EYS: variants seen among roughly 807,000 people sequenced by gnomAD.
The protein encoded by EYS is EGF-like photoreceptor maintenance factor.
EYS carries 250 observed loss-of-function variants against 282.1 expected under a neutral mutation model. That is an observed-to-expected ratio of 0.89 (90% CI 0.80 to 0.98). The LOEUF (loss-of-function observed/expected upper bound fraction) is 0.98, where lower values mean the gene tolerates loss of function less well. Among genes scored for constraint, EYS ranks in the 50% least tolerant of loss-of-function variants. The pLI is 0.00. For missense variants in EYS, 4,016 were observed against 3,709.0 expected, an observed-to-expected ratio of 1.08 and a Z score of -2.15; for synonymous variants, 1,355 against 1,282.9, an observed-to-expected ratio of 1.06 and a Z score of -1.20.
At chr6:65,606,656 C>T (rs1765806662) in intron 2 of EYS, among the ~76,000 whole-genome samples, 1 of 151,676 alleles carries the variant, frequency 6.6e-6, no homozygotes, top group South Asian at 2.1e-4. Context: ...ATACAACTGG[C>T]TTTACAACAT....
chr6:64,756,325 T>A (rs1772935383), intron 22 of EYS, among the ~76,000 whole-genome samples: 1 of 152,198 alleles, frequency 6.6e-6, no homozygotes, highest in African/African-American at 2.4e-5. Flanking sequence ...CCATTTAATG[T>A]AAGTTTGTAG....
intron 22 of EYS, among the ~76,000 whole-genome samples, chr6:64,753,184 A>G (rs1050355736): frequency 2.0e-5 from 3 of 152,146 alleles, no homozygotes; most frequent in Admixed American, 2.0e-4. Context: ...AAATAAGTAT[A>G]CAATTGAGAC....
At chr6:65,526,476 T>C (rs1767567857) in intron 2 of EYS, among the ~76,000 whole-genome samples, 1 of 152,180 alleles carries the variant, frequency 6.6e-6, no homozygotes, top group Non-Finnish European at 1.5e-5. Context: ...GATTTGTAGC[T>C]AGCAAACATT....
intron 33 of EYS, among the ~76,000 whole-genome samples, chr6:64,015,265 A>G (rs1430825923): frequency 3.3e-5 from 5 of 152,228 alleles, no homozygotes; most frequent in African/African-American, 4.8e-5. Flanking sequence ...AAATTTGAGT[A>G]GAACCAAAAT....
At position 64,735,826 on chromosome 6, in the gene EYS, T is replaced by C. The variant is rs547291556; in HGVS notation, c.3443+77552A>G. ...TGTGTATAATATAATAACCAATAGA[T>C]ACAAATTCCTATTTCATGGAGGATG... On this transcript the variant is annotated intron_variant, in intron 22 of 42. Transcript: ENST00000503581. 3.0e-4 allele frequency among the ~76,000 whole-genome samples: 45 copies of C among 152,110 alleles called. 1 individual carries two copies. The highest frequency in any genetic ancestry group is 1.1e-3 in the African/African-American group (45 of 41,560).
intron 2 of EYS, among the ~76,000 whole-genome samples, chr6:65,631,901 G>T (rs535230504): frequency 6.6e-6 from 1 of 152,194 alleles, no homozygotes; most frequent in South Asian, 2.1e-4. Flanking sequence ...TCAGTTAGTG[G>T]CTAAAGTCAC....
At chr6:63,781,122 A>T (rs1376131096) in intron 39 of EYS, among the ~76,000 whole-genome samples, 22 of 152,214 alleles carry the variant, frequency 1.4e-4, no homozygotes, top group Admixed American at 1.4e-3. Flanking sequence ...CTGTTTTGGT[A>T]GCAGTACCAT....
At chr6:64,607,380 T>C (rs1766968069) in intron 24 of EYS, among the ~76,000 whole-genome samples, 1 of 151,976 alleles carries the variant, frequency 6.6e-6, no homozygotes, top group African/African-American at 2.4e-5. Flanking sequence ...GACTTATAAA[T>C]AACAGAAATT....
At chr6:63,994,176 A>G (rs1462405057) in intron 34 of EYS, among the ~76,000 whole-genome samples, 1 of 151,970 alleles carries the variant, frequency 6.6e-6, no homozygotes, top group Non-Finnish European at 1.5e-5. Context: ...GCTGAGGTAC[A>G]GTCACTGAAG....
chr6:65,045,102 G>A (rs1219439303), intron 13 of EYS, among the ~76,000 whole-genome samples: 4 of 151,754 alleles, frequency 2.6e-5, no homozygotes, highest in African/African-American at 9.7e-5. Context: ...TCTGTTTAGA[G>A]TTCACAATTG....
chr6:65,182,440 T>A (rs1314675734), intron 12 of EYS, among the ~76,000 whole-genome samples: 1 of 151,668 alleles, frequency 6.6e-6, no homozygotes, highest in Non-Finnish European at 1.5e-5. Flanking sequence ...TTTTTCTTAA[T>A]GGTTCTTAAG....
intron 19 of EYS, among the ~76,000 whole-genome samples, chr6:64,843,555 A>G (rs1302145506): frequency 6.6e-6 from 1 of 152,150 alleles, no homozygotes; most frequent in Non-Finnish European, 1.5e-5. Flanking sequence ...TTGGACATGC[A>G]TGGTCCATAT....
intron 35 of EYS, among the ~76,000 whole-genome samples, chr6:63,961,349 C>T (rs1766050271): frequency 6.6e-6 from 1 of 151,722 alleles, no homozygotes; most frequent in Non-Finnish European, 1.5e-5. Context: ...TTTGTTTCTG[C>T]CCCCCTTTAA....
chr6:65,050,406 AT>A (rs545656893), intron 13 of EYS, among the ~76,000 whole-genome samples: 2 of 151,388 alleles, frequency 1.3e-5, no homozygotes, highest in African/African-American at 2.4e-5. Flanking sequence ...CGAATCGTTT[AT>A]TTTTTTTCTA....
chr6:64,214,978 A>C (rs934358458), intron 31 of EYS, among the ~76,000 whole-genome samples: 2 of 151,994 alleles, frequency 1.3e-5, no homozygotes, highest in Non-Finnish European at 2.9e-5. Flanking sequence ...AATTTACAAA[A>C]TAGGTTTTAA....
At chr6:64,332,227 G>A (rs538848849) in intron 29 of EYS, among the ~76,000 whole-genome samples, 4 of 152,226 alleles carry the variant, frequency 2.6e-5, no homozygotes, top group South Asian at 2.1e-4. Context: ...TAAATTAACC[G>A]GGTATTCACC....
intron 13 of EYS, among the ~76,000 whole-genome samples, chr6:65,044,674 A>T (rs939979724): frequency 2.6e-5 from 4 of 151,778 alleles, no homozygotes; most frequent in African/African-American, 9.7e-5. Context: ...ACCCCACCTC[A>T]ATGTATTTGG....
At chr6:64,988,566 T>C (rs1770945245) in intron 14 of EYS, among the ~76,000 whole-genome samples, 1 of 151,548 alleles carries the variant, frequency 6.6e-6, no homozygotes, top group Non-Finnish European at 1.5e-5. Context: ...CTTCTCTCCC[T>C]CTTTCTCTCT....
At chr6:63,985,907 A>G (rs555638894) in intron 34 of EYS, among the ~76,000 whole-genome samples, 1 of 152,050 alleles carries the variant, frequency 6.6e-6, no homozygotes, top group Admixed American at 6.6e-5. Flanking sequence ...ATTGCAACAA[A>G]AGCCAAAATT....
Sources: gnomAD v4.1 joint callset for allele counts (sites outside exome capture counted in the v4.1 genomes callset) on GRCh38, gnomAD v4.1.1 for gene constraint, MANE v1.5 for transcripts, NCBI Gene and HGNC (gene_info 2026-07-23, HGNC 2026-07-21) for gene names.